Variants in TENM1 observed in about 807,000 individuals in gnomAD.
TENM1 encodes the protein teneurin-1.
TENM1 carries 35 observed loss-of-function variants against 174.8 expected under a neutral mutation model. The ratio of observed to expected loss-of-function variants is 0.20; its 90% CI spans 0.15 to 0.27. The LOEUF is 0.27. TENM1 is among the 10% of genes least tolerant of loss of function. The probability of loss-of-function intolerance (pLI) is 1.00; values close to 1 mark genes in which losing one functional copy is unlikely to be tolerated. For synonymous variants in TENM1, 781 were observed against 798.7 expected, an observed-to-expected ratio of 0.98 and a Z score of 0.37; for missense variants, 1,633 against 2,130.1, an observed-to-expected ratio of 0.77 and a Z score of 4.59.
At chrX:124,585,241 C>A (rs2049466058) in intron 11 of TENM1, among the ~76,000 whole-genome samples, 1 of 111,569 alleles carries the variant, frequency 9.0e-6, no homozygotes, top group African/African-American at 3.3e-5. Flanking sequence ...ACATTTTGTT[C>A]AGCACCACAC....
At chrX:124,871,771 G>C (rs112378132) in intron 3 of TENM1, among the ~76,000 whole-genome samples, 1 of 110,652 alleles carries the variant, frequency 9.0e-6, no homozygotes, top group South Asian at 3.9e-4. Context: ...TAGAGAGTCA[G>C]GCCTGTAATC....
intron 3 of TENM1, among the ~76,000 whole-genome samples, chrX:124,792,320 C>A (rs1018019565): frequency 2.7e-5 from 3 of 111,708 alleles, no homozygotes; most frequent in African/African-American, 3.3e-5. Flanking sequence ...AGGCATAGGT[C>A]GTTTTGTTTT....
chrX:125,070,036 T>C, the TENM1 span, among the ~76,000 whole-genome samples: 2 of 110,064 alleles, frequency 1.8e-5, no homozygotes, highest in East Asian at 5.8e-4. Context: ...AAAAAAATTT[T>C]AAAAATTAGC....
rs761996433 is a variant in TENM1, at chrX:124,830,976, G to T, written c.535+63320C>A. On this transcript the variant is annotated intron_variant, in intron 3 of 31. Coordinates refer to ENST00000422452, the Ensembl canonical transcript of TENM1. ...GGTATTTTCGTTTTTAGCTCCTGGG[G>T]GTAATGGGCTGTGATGATTTAGTGC... is the stretch of plus-strand genomic sequence containing the variant. Among the ~76,000 whole-genome samples the T allele has an allele frequency of 1.4e-4, 16 of 111,528 alleles. No individual in the cohort carries two copies. The South Asian group carries it at 4.9e-3, about 34-fold the overall frequency.
At chrX:124,387,079 T>C (rs1434565256) in intron 28 of TENM1, among the ~76,000 whole-genome samples, 3 of 106,241 alleles carry the variant, frequency 2.8e-5, no homozygotes, top group African/African-American at 1.0e-4. Flanking sequence ...CTAGATGTCT[T>C]CCTAAAAATT....
rs919625345 is a variant in TENM1 at position 124,869,469 on chromosome X, T to C, written c.535+24827A>G. 3.6e-5 allele frequency among the ~76,000 whole-genome samples: 4 copies of C among 111,551 alleles called. No individual in the cohort carries two copies. In the Admixed American group the frequency reaches 3.8e-4, roughly 11 times the overall value. ...TGGGTATATATTGTATAGTATATAG[T>C]AGCAGTATACCCAAAATAAAGGAAA... On this transcript the variant is annotated intron_variant, in intron 3 of 31. Transcript: ENST00000422452.
intron 3 of TENM1, among the ~76,000 whole-genome samples, chrX:124,890,297 C>T (rs1356254130): frequency 9.0e-6 from 1 of 111,449 alleles, no homozygotes; most frequent in Non-Finnish European, 1.9e-5. Context: ...TCCTCCAGTT[C>T]AATGTGTAGC....
At chrX:124,751,093 G>A (rs1011396029) in intron 3 of TENM1, among the ~76,000 whole-genome samples, 5 of 111,778 alleles carry the variant, frequency 4.5e-5, no homozygotes, top group African/African-American at 1.6e-4. Flanking sequence ...AGTTGATGCT[G>A]AAAATATCAG....
At chrX:124,749,513 G>T (rs1269431452) in intron 3 of TENM1, among the ~76,000 whole-genome samples, 2 of 111,877 alleles carry the variant, frequency 1.8e-5, no homozygotes, top group Non-Finnish European at 3.8e-5. Context: ...TTTATTCACT[G>T]GGCCAAGCTG....
intron 24 of TENM1, among the ~76,000 whole-genome samples, chrX:124,421,869 T>C (rs2060657626): frequency 1.8e-5 from 2 of 111,579 alleles, no homozygotes; most frequent in Admixed American, 9.5e-5. Flanking sequence ...AACCAGTAAA[T>C]GTGGGTTTTA....
intron 23 of TENM1, among the ~76,000 whole-genome samples, chrX:124,435,729 C>T: frequency 9.0e-6 from 1 of 111,556 alleles, no homozygotes; most frequent in East Asian, 2.8e-4. Context: ...TTCATTAGGC[C>T]TCCAGTGTGC....
chrX:124,874,160 CA>C (rs1189734143), intron 3 of TENM1, among the ~76,000 whole-genome samples: 1 of 111,549 alleles, frequency 9.0e-6, no homozygotes, highest in Non-Finnish European at 1.9e-5. Flanking sequence ...ACTGCTGGAT[CA>C]AAGAAGATAA....
chrX:124,533,717 A>C (rs936690226), intron 15 of TENM1, among the ~76,000 whole-genome samples: 2 of 112,196 alleles, frequency 1.8e-5, no homozygotes, highest in African/African-American at 6.5e-5. Context: ...TTCAAGTAAG[A>C]TGATAGAAGC....
intron 3 of TENM1, among the ~76,000 whole-genome samples, chrX:124,791,604 C>A (rs1335364129): frequency 1.8e-5 from 2 of 111,051 alleles, no homozygotes. Context: ...GATCTCATGT[C>A]AAAGAAAAAG....
At chrX:124,884,749 C>A (rs1387907371) in intron 3 of TENM1, among the ~76,000 whole-genome samples, 1 of 111,975 alleles carries the variant, frequency 8.9e-6, no homozygotes, top group Admixed American at 9.4e-5. Flanking sequence ...GTACCAGATG[C>A]CTCTAGTCAG....
At chrX:124,670,644 TAC>T (rs1331835406) in intron 6 of TENM1, among the ~76,000 whole-genome samples, 1 of 111,456 alleles carries the variant, frequency 9.0e-6, no homozygotes, top group African/African-American at 3.3e-5. Context: ...AAGCATGGAT[TAC>T]AGTTACCTTT....
chrX:124,729,135 C>T (rs1345045379), intron 4 of TENM1, among the ~76,000 whole-genome samples: 2 of 112,098 alleles, frequency 1.8e-5, no homozygotes, highest in Admixed American at 1.9e-4. Flanking sequence ...GTGCAGGACA[C>T]GCACAATAAT....
At chrX:124,570,734 C>T (rs116831547) in intron 11 of TENM1, among the ~76,000 whole-genome samples, 6,531 of 111,262 alleles carry the variant, frequency 0.059, 285 homozygotes, top group African/African-American at 0.14. Flanking sequence ...AAGGAACTTT[C>T]AACTTTAATT....
chrX:124,583,358 C>T (rs982753166), intron 11 of TENM1, among the ~76,000 whole-genome samples: 2 of 111,726 alleles, frequency 1.8e-5, no homozygotes, highest in African/African-American at 6.5e-5. Flanking sequence ...AATGATCAGA[C>T]AGCACCATTC....
Sources: allele counts gnomAD v4.1 joint callset (sites outside exome capture counted in the v4.1 genomes callset), GRCh38; gene constraint gnomAD v4.1.1; transcripts MANE v1.5; gene names NCBI Gene and HGNC (gene_info 2026-07-23, HGNC 2026-07-21).